HDAC9: variants seen among roughly 807,000 people sequenced by gnomAD.
HDAC9 encodes histone deacetylase 9, also known as MEF-2 interacting transcription repressor (MITR) protein.
A neutral mutation model predicts 139.4 loss-of-function variants in HDAC9; 41 were observed. The ratio of observed to expected loss-of-function variants is 0.29; its 90% confidence interval spans 0.23 to 0.38. The LOEUF is 0.38. Ranked by LOEUF, HDAC9 falls within the 10% of genes least tolerant of loss-of-function variation. The pLI is 1.00. For missense variants in HDAC9, 1,147 were observed against 1,297.0 expected (o/e 0.88, Z 1.78); for synonymous variants, 517 against 476.2 (o/e 1.09, Z -1.12).
chr7:18,671,759 A>C (rs370573096), intron 12 of HDAC9, among the ~76,000 whole-genome samples: 130 of 152,010 alleles, frequency 8.6e-4, no homozygotes, highest in African/African-American at 2.9e-3. Context: ...ACAACCACTC[A>C]TCTGCTTTAT....
At chr7:18,143,117 G>T (rs968329559) in intron 1 of HDAC9, among the ~76,000 whole-genome samples, 21 of 152,124 alleles carry the variant, frequency 1.4e-4, no homozygotes, top group African/African-American at 4.6e-4. Context: ...TGACACTAGG[G>T]CAAAGATCTC....
At chr7:18,117,252 C>G (rs891352702) in intron 1 of HDAC9, among the ~76,000 whole-genome samples, 11 of 151,938 alleles carry the variant, frequency 7.2e-5, no homozygotes, top group African/African-American at 2.7e-4. Context: ...GACTGGTATC[C>G]TTATAAAAAA....
intron 1 of HDAC9, among the ~76,000 whole-genome samples, chr7:18,485,462 ATATT>A (rs1795906633): frequency 6.7e-6 from 1 of 149,756 alleles, no homozygotes; most frequent in Non-Finnish European, 1.5e-5. Context: ...TTTATTATAT[ATATT>A]TATTTTTTCT....
At chr7:18,749,316 G>A (rs1418608658) in intron 14 of HDAC9, among the ~76,000 whole-genome samples, 178 bp downstream of exon 14, 1 of 152,214 alleles carries the variant, frequency 6.6e-6, no homozygotes, top group African/African-American at 2.4e-5. Context: ...GGGGCACACT[G>A]TAAGTACTTG....
At chr7:18,139,853 G>A (rs777395632) in intron 1 of HDAC9, among the ~76,000 whole-genome samples, 17 of 152,124 alleles carry the variant, frequency 1.1e-4, no homozygotes, top group Non-Finnish European at 2.2e-4. Context: ...GGCAGCCTCC[G>A]GAAGTTAGAG....
upstream of HDAC9, among the ~76,000 whole-genome samples, chr7:18,491,649 T>C (rs1052691908): frequency 6.6e-6 from 1 of 151,992 alleles, no homozygotes; most frequent in Non-Finnish European, 1.5e-5. Context: ...AATTTCGACA[T>C]GTTTGGGTTC....
chr7:18,370,589 C>T (rs1268725349), intron 1 of HDAC9, among the ~76,000 whole-genome samples: 1 of 152,076 alleles, frequency 6.6e-6, no homozygotes, highest in Non-Finnish European at 1.5e-5. Context: ...GTCTGTAAAT[C>T]ATAAGTGTGA....
At chr7:18,768,408 G>A (rs939101969) in intron 16 of HDAC9, among the ~76,000 whole-genome samples, 3 of 152,018 alleles carry the variant, frequency 2.0e-5, no homozygotes, top group Non-Finnish European at 2.9e-5. Context: ...TGGCTGATGT[G>A]GTATAACCCC....
intron 22 of HDAC9, among the ~76,000 whole-genome samples, chr7:18,922,223 T>TATA (rs923925865): frequency 6.6e-6 from 1 of 152,030 alleles, no homozygotes; most frequent in African/African-American, 2.4e-5. Flanking sequence ...CAACTTAAAC[T>TATA]ATAATAATAA....
rs570808730 is a variant in HDAC9 at position 18,989,303 on chromosome 7, A to T, written c.3171-6720A>T. 7.4e-3 allele frequency among the ~76,000 whole-genome samples: 1,122 copies of T among 151,298 alleles called. 15 individuals carry two copies. Among genetic ancestry groups the T allele is most frequent in the African/African-American group, 0.026 (1,049 of 41,000 alleles). On this transcript the variant is annotated intron_variant, in intron 25 of 25. Transcript: ENST00000686413. ...GCATTTGCTTGTCTGTAAAGTATTT[A>T]ATTTCTCCTTCACTTATGAAGCTTA...
At chr7:18,843,995 G>T (rs1419350709) in intron 21 of HDAC9, among the ~76,000 whole-genome samples, 1 of 152,156 alleles carries the variant, frequency 6.6e-6, no homozygotes, top group African/African-American at 2.4e-5. Flanking sequence ...TCAGAGAGTA[G>T]TTCAAGTCTT....
At chr7:18,713,428 G>A (rs898397490) in intron 12 of HDAC9, among the ~76,000 whole-genome samples, 2 of 152,096 alleles carry the variant, frequency 1.3e-5, no homozygotes, top group Non-Finnish European at 2.9e-5. Context: ...AATTAAGTAC[G>A]TGAGGTAACA....
chr7:18,339,119 C>G (rs111351587), intron 1 of HDAC9, among the ~76,000 whole-genome samples: 3,247 of 151,434 alleles, frequency 0.021, 114 homozygotes, highest in African/African-American at 0.074. Flanking sequence ...TATTTCCATT[C>G]CTAATATTGG....
At chr7:18,312,904 A>T (rs935797746) in intron 1 of HDAC9, among the ~76,000 whole-genome samples, 1 of 152,152 alleles carries the variant, frequency 6.6e-6, no homozygotes, top group Admixed American at 6.6e-5. Flanking sequence ...CTTTGAGGGT[A>T]TATTTCTAGA....
intron 12 of HDAC9, among the ~76,000 whole-genome samples, chr7:18,690,617 A>T (rs1020256092): frequency 1.3e-5 from 2 of 151,928 alleles, no homozygotes; most frequent in Non-Finnish European, 2.9e-5. Context: ...CACCAGGGTC[A>T]AATTGCTAAA....
At chr7:18,460,263 T>G (rs1793718659) in intron 1 of HDAC9, among the ~76,000 whole-genome samples, 2 of 152,178 alleles carry the variant, frequency 1.3e-5, no homozygotes, top group African/African-American at 2.4e-5. Flanking sequence ...GATGATAATT[T>G]ATAGCATTAT....
intron 16 of HDAC9, among the ~76,000 whole-genome samples, chr7:18,779,100 C>T (rs1791025627): frequency 6.6e-6 from 1 of 152,014 alleles, no homozygotes; most frequent in Admixed American, 6.6e-5. Context: ...TTCATCTCAC[C>T]ATGACTAAAG....
intron 12 of HDAC9, among the ~76,000 whole-genome samples, chr7:18,716,062 G>C (rs1380834159): frequency 6.6e-6 from 1 of 152,170 alleles, no homozygotes; most frequent in African/African-American, 2.4e-5. Flanking sequence ...ATTATCAAAA[G>C]GGAGGAATAA....
chr7:18,211,989 C>T (rs73319916), intron 2 of HDAC9, among the ~76,000 whole-genome samples: 5,068 of 152,202 alleles, frequency 0.033, 299 homozygotes, highest in African/African-American at 0.11. Flanking sequence ...TCTTGAGTAA[C>T]TAAAAAATTG....
Sources: gnomAD v4.1 joint callset for allele counts (sites outside exome capture counted in the v4.1 genomes callset) on GRCh38, gnomAD v4.1.1 for gene constraint, MANE v1.5 for transcripts, NCBI Gene and HGNC (gene_info 2026-07-23, HGNC 2026-07-21) for gene names.